INTS12: variants seen among roughly 807,000 people sequenced by gnomAD.
INTS12 encodes PHD finger protein 22.
A neutral mutation model predicts 41.6 loss-of-function variants in INTS12; 13 were observed. The ratio of observed to expected loss-of-function variants is 0.31; its 90% confidence interval spans 0.20 to 0.50. The LOEUF is 0.50. Among genes scored for constraint, INTS12 ranks in the 20% least tolerant of loss-of-function variants. The probability of loss-of-function intolerance (pLI) is 0.98; values close to 1 mark genes in which losing one functional copy is unlikely to be tolerated. For missense variants in INTS12, 432 were observed against 541.6 expected, an observed-to-expected ratio of 0.80 and a Z score of 2.01; for synonymous variants, 199 against 191.4, an observed-to-expected ratio of 1.04 and a Z score of -0.33.
chr4:105,699,989 T>A lies in INTS12; in HGVS notation c.17A>T (p.Asn6Ile), dbSNP rs1262061122. 2.6e-6 allele frequency: 4 copies of A among 1,528,916 alleles called. No individual in the cohort carries two copies. Among genetic ancestry groups the A allele is most frequent in the Non-Finnish European group, 3.6e-6 (4 of 1,122,522 alleles). 94.7% of individuals were successfully genotyped at this position (1,528,916 alleles called of 1,614,324 possible). A position where few individuals can be genotyped will look rare whatever the true frequency, so the allele number is the denominator to read the frequency against. ...CAAAAAAATGGGATCAAGTTCCAAG[T>A]TCACAGTAGCAGCCATTGCAAACGC... MAATV[N>I]LELDPIFLKA... is the part of the protein sequence containing the mutation. Residue 6 changes from asparagine to isoleucine, a missense_variant, in exon 3 of 8, where the codon AAC (asparagine) becomes ATC (isoleucine). Physicochemically the swap from Asn to Ile is moderately radical, Grantham distance 149. This residue lies in a region of INTS12 where 168 missense variants were observed against 198.9 expected (regional missense o/e 0.84). Transcript: ENST00000340139.
Position 105,693,436 on chromosome 4 carries a change from C to T in INTS12, c.360G>A (p.Leu120=). ...EGVDIPKKPR[L]EKPETQSSPI... is the part of the protein sequence containing the mutation. ...GAGATGACTGTGTTTCTGGTTTCTC[C>T]AATCTAGGTTTCTTTGGAATATCAA... Residue 120 remains leucine (L), a synonymous_variant, in exon 5 of 8, where the codon TTG becomes TTA. Transcript: ENST00000340139. 1 of 1,613,672 alleles carries T rather than the reference C, an allele frequency of 6.2e-7. No homozygotes were observed.
intron 2 of INTS12, among the ~76,000 whole-genome samples, chr4:105,702,261 G>A (rs954664790): frequency 6.1e-5 from 9 of 147,682 alleles, no homozygotes; most frequent in Admixed American, 1.4e-4. Context: ...TCAGCCTCCC[G>A]AGTAGCTGGG....
intron 4 of INTS12, among the ~76,000 whole-genome samples, chr4:105,693,746 T>C (rs536828229): frequency 5.2e-4 from 79 of 152,364 alleles, no homozygotes; most frequent in Non-Finnish European, 9.4e-4. Context: ...TTTGTACTCT[T>C]CTATCTACTA....
At position 105,686,551 on chromosome 4, in the gene INTS12, T is replaced by C. The variant is rs147350041; in HGVS notation, c.804+141A>G. 105 of 611,184 alleles carry C rather than the reference T, an allele frequency of 1.7e-4. No homozygotes were observed. The African/African-American group carries it at 1.8e-3, about 10-fold the overall frequency. 37.9% of individuals were successfully genotyped at this position (611,184 alleles called of 1,614,324 possible). A position where few individuals can be genotyped will look rare whatever the true frequency, so the allele number is the denominator to read the frequency against. ...ATATAAATGTTCCCTTTCTACCTAA[T>C]ATAATAGTAGTAAAGTCTTAATTTC... On this transcript the variant is annotated intron_variant, in intron 7 of 7. Coordinates refer to ENST00000340139, the MANE Select transcript of INTS12 (RefSeq NM_020395.4).
At chr4:105,707,104 C>T (rs1354886682) in intron 1 of INTS12, among the ~76,000 whole-genome samples, 1 of 152,138 alleles carries the variant, frequency 6.6e-6, no homozygotes, top group East Asian at 1.9e-4. Context: ...TTATAGCTAG[C>T]TGACCCTGCC....
chr4:105,698,619 A>G (rs879052981), intron 3 of INTS12, among the ~76,000 whole-genome samples: 1 of 152,190 alleles, frequency 6.6e-6, no homozygotes, highest in Admixed American at 6.5e-5. Flanking sequence ...AGTGGAATGA[A>G]TTTGGTAGTA....
chr4:105,693,346 A>C lies in INTS12; in HGVS notation c.450T>G (p.Ser150Arg). 1 of 1,613,802 alleles carries C rather than the reference A, an allele frequency of 6.2e-7. No individual in the cohort carries two copies. The highest frequency in any genetic ancestry group is 8.5e-7 in the Non-Finnish European group (1 of 1,179,762). The change falls in exon 5 of 8, where the codon AGT (serine) becomes AGG (arginine). Residue 150 changes from serine to arginine, a missense_variant. This residue lies in a region of INTS12 where 168 missense variants were observed against 198.9 expected (regional missense o/e 0.84). Coordinates refer to ENST00000340139, the MANE Select transcript of INTS12 (RefSeq NM_020395.4). ...MADLSSFEETSADDFAMEMGL... is the reference protein window; with the variant it reads ...MADLSSFEETRADDFAMEMGL... Reference sequence around the variant, plus strand: ...CCATCTCCATGGCAAAATCATCAGCACTGGTCTCCTCAAAACTGGAAAGGT... The same window carrying C: ...CCATCTCCATGGCAAAATCATCAGCCCTGGTCTCCTCAAAACTGGAAAGGT...
At chr4:105,694,132 T>C (rs1017481422) in intron 4 of INTS12, among the ~76,000 whole-genome samples, 10 of 152,160 alleles carry the variant, frequency 6.6e-5, no homozygotes, top group Non-Finnish European at 1.5e-4. Context: ...TATCTAATTG[T>C]GCATCAGTAG....
At chr4:105,688,686 G>C (rs979755774) in intron 6 of INTS12, among the ~76,000 whole-genome samples, 2 of 152,080 alleles carry the variant, frequency 1.3e-5, no homozygotes, top group African/African-American at 4.8e-5. Flanking sequence ...TCTTAACACT[G>C]CCTTCCACCC....
At chr4:105,697,587 T>C (rs1227519881) in intron 3 of INTS12, among the ~76,000 whole-genome samples, 2 of 152,182 alleles carry the variant, frequency 1.3e-5, no homozygotes, top group African/African-American at 4.8e-5. Context: ...CATTTTATAA[T>C]GTATGGCTGC....
Position 105,708,664 on chromosome 4 carries a change from C to T in INTS12, c.-198G>A, listed in dbSNP as rs769947222. 3 of 944,150 alleles carry T rather than the reference C, an allele frequency of 3.2e-6. No individual in the cohort carries two copies. The highest frequency in any genetic ancestry group is 1.2e-4 in the East Asian group (1 of 8,560). The allele number at this position is 944,150 out of a possible 1,614,324, so 58.5% of individuals were successfully genotyped here. A position where few individuals can be genotyped will look rare whatever the true frequency, so the allele number is the denominator to read the frequency against. On this transcript the variant is annotated 5_prime_UTR_variant, in exon 1 of 8. Coordinates refer to ENST00000340139, the MANE Select transcript of INTS12 (RefSeq NM_020395.4). The stretch of plus-strand genomic sequence containing the variant: ...GTTCCGCCCCGCCCTGCCGATCCGT[C>T]TGTTCCCGGTGGTCCCTTCGGAAAC...
chr4:105,703,848 C>T (rs1479942973), intron 1 of INTS12, 39 bp from the exon 2 acceptor site: 1 of 152,164 alleles, frequency 6.6e-6, no homozygotes, highest in Admixed American at 6.5e-5. Flanking sequence ...GGAATTAAGT[C>T]GACTTCCTTC....
rs569006485 is a variant in INTS12, at chr4:105,686,848, T to C, written c.658-10A>G. The C allele has an allele frequency of 3.7e-6, 6 of 1,612,284 alleles. No homozygotes were observed. Among genetic ancestry groups the C allele is most frequent in the South Asian group, 3.3e-5 (3 of 91,044 alleles). ...TCTGAGTTTTTTGAGCCTGCAAAAA[T>C]CAGTGGATTAAATCAGATACAAAAT... On this transcript the variant is annotated splice_polypyrimidine_tract_variant and intron_variant, in intron 6 of 7. Coordinates refer to ENST00000340139, the MANE Select transcript of INTS12 (RefSeq NM_020395.4).
At chr4:105,688,794 T>C (rs752415126) in intron 6 of INTS12, among the ~76,000 whole-genome samples, 1 of 152,240 alleles carries the variant, frequency 6.6e-6, no homozygotes, top group Non-Finnish European at 1.5e-5. Context: ...GAAGTACTTC[T>C]GCCTGTGAGA....
intron 1 of INTS12, chr4:105,708,358 C>T (rs1384264872): frequency 1.0e-6 from 1 of 985,356 alleles, no homozygotes; most frequent in Non-Finnish European, 1.2e-6. Flanking sequence ...GTCACTAAAA[C>T]CCTCCGACAA....
At chr4:105,704,306 A>G (rs760157456) in intron 1 of INTS12, among the ~76,000 whole-genome samples, 8 of 152,128 alleles carry the variant, frequency 5.3e-5, no homozygotes, top group Non-Finnish European at 8.8e-5. Flanking sequence ...CTCCTATCCA[A>G]TTAAAAATGA....
Position 105,689,642 on chromosome 4 carries a change from C to A in INTS12, c.657+2334G>T, listed in dbSNP as rs145035273. Among the ~76,000 whole-genome samples the A allele has an allele frequency of 2.7e-3, 413 of 152,242 alleles. 1 individual carries two copies. The highest frequency in any genetic ancestry group is 9.0e-3 in the African/African-American group (372 of 41,538). ...ATTTAGCCTGGCATGGTGGCTCATG[C>A]CTATAATCCCAGCACTTTGGGAGGC... is the stretch of plus-strand genomic sequence containing the variant. On this transcript the variant is annotated intron_variant, in intron 6 of 7. Transcript: ENST00000340139.
Position 105,683,948 on chromosome 4 carries a change from T to C in INTS12, c.805-631A>G, listed in dbSNP as rs114695427. Among the ~76,000 whole-genome samples, 1,288 of 152,316 alleles carry C rather than the reference T, an allele frequency of 8.5e-3. 19 individuals carry two copies. Among genetic ancestry groups the C allele is most frequent in the African/African-American group, 0.029 (1,215 of 41,582 alleles). On this transcript the variant is annotated intron_variant, in intron 7 of 7. Coordinates refer to ENST00000340139, the MANE Select transcript of INTS12 (RefSeq NM_020395.4). The stretch of plus-strand genomic sequence containing the variant: ...ATTACTTGGAAGTGTACAATTTTTA[T>C]GATGTGTTAAAAAGTTCTCATGATT...
chr4:105,706,572 CT>C (rs1732271425), intron 1 of INTS12: 1 of 152,146 alleles, frequency 6.6e-6, no homozygotes, highest in South Asian at 2.1e-4. Context: ...TTTCCAAATG[CT>C]TAGTGTATGT....
Sources: allele counts gnomAD v4.1 joint callset (sites outside exome capture counted in the v4.1 genomes callset), GRCh38; gene constraint gnomAD v4.1.1; regional missense constraint gnomAD v4.1.1; transcripts MANE v1.5; gene names NCBI Gene and HGNC (gene_info 2026-07-23, HGNC 2026-07-21).